Variants in INPP4B observed in about 807,000 individuals in gnomAD.
The protein encoded by INPP4B is inositol polyphosphate 4-phosphatase type II.
INPP4B carries 55 observed loss-of-function variants against 122.5 expected under a neutral mutation model. That is an observed-to-expected ratio of 0.45 (90% CI 0.36 to 0.56). The LOEUF is 0.56. Among genes scored for constraint, INPP4B ranks in the 20% least tolerant of loss-of-function variants. The pLI is 0.00. For missense variants in INPP4B, 1,000 were observed against 1,097.7 expected (o/e 0.91, Z 1.26); for synonymous variants, 403 against 388.7 (o/e 1.04, Z -0.43).
chr4:142,323,594 C>T (rs79066630), intron 7 of INPP4B, among the ~76,000 whole-genome samples: 31,883 of 151,720 alleles, frequency 0.21, 4,400 homozygotes, highest in East Asian at 0.48. Context: ...TACAGGCACC[C>T]GCCACCACGC....
rs555480174 is a variant in INPP4B at position 142,435,417 on chromosome 4, T to TA, written c.-126-4033dup. ...TTAAAATCATTTTTAATGAAATGTT[T>TA]AAAAAATCCCTACATAGTTATCCCT... On this transcript the variant is annotated intron_variant, in intron 3 of 25. Transcript: ENST00000262992. Among the ~76,000 whole-genome samples, 41 of 118,532 alleles carry TA rather than the reference T, an allele frequency of 3.5e-4. No homozygotes were observed. In the East Asian group the frequency reaches 9.8e-3, roughly 28 times the overall value. 77.8% of individuals were successfully genotyped at this position (118,532 alleles called of 152,430 possible). A position where few individuals can be genotyped will look rare whatever the true frequency, so the allele number is the denominator to read the frequency against.
rs542440714 is a variant in INPP4B, at chr4:142,533,574, C to T, written c.-190-70848G>A. On this transcript the variant is annotated intron_variant, in intron 2 of 25. Coordinates refer to ENST00000262992, the MANE Select transcript of INPP4B (RefSeq NM_001101669.3). ...GACATTTTTAAGGAGTAAATCTATT[C>T]TCAATTACTCATCATAATTACTGTA... Among the ~76,000 whole-genome samples, 9 of 152,072 alleles carry T rather than the reference C, an allele frequency of 5.9e-5. No homozygotes were observed. In the East Asian group the frequency reaches 1.7e-3, roughly 29 times the overall value.
intron 21 of INPP4B, among the ~76,000 whole-genome samples, chr4:142,121,024 T>C (rs148859294): frequency 6.6e-6 from 1 of 152,226 alleles, no homozygotes; most frequent in East Asian, 1.9e-4. Flanking sequence ...TGCTGTACTC[T>C]GCCTACACTA....
At chr4:142,702,382 T>C (rs771904323) in intron 2 of INPP4B, among the ~76,000 whole-genome samples, 4 of 152,124 alleles carry the variant, frequency 2.6e-5, no homozygotes, top group Non-Finnish European at 5.9e-5. Context: ...TAATTACTTA[T>C]TGCAAAAACA....
At chr4:142,429,129 C>G in intron 5 of INPP4B, 44 bp downstream of exon 5, 1 of 1,182,410 alleles carries the variant, frequency 8.5e-7, no homozygotes, top group East Asian at 2.5e-5. Flanking sequence ...AACTACTACA[C>G]AAATTCTTAT....
At chr4:142,774,275 C>CCAGTAATCACAGCAT (rs150263849) in intron 1 of INPP4B, among the ~76,000 whole-genome samples, 11,816 of 152,050 alleles carry the variant, frequency 0.078, 559 homozygotes, top group Middle Eastern at 0.12. Context: ...GGCTAACGCA[C>CCAGTAATCACAGCAT]CTGAGATGAA....
intron 15 of INPP4B, among the ~76,000 whole-genome samples, chr4:142,188,484 C>A (rs1579222140): frequency 3.7e-5 from 2 of 54,262 alleles, no homozygotes; most frequent in East Asian, 5.7e-4. Flanking sequence ...GAGACTCCAT[C>A]TCAAAAAAAA....
At position 142,650,914 on chromosome 4, in the gene INPP4B, A is replaced by G. The variant is rs139220311; in HGVS notation, c.-191+74925T>C. Among the ~76,000 whole-genome samples, 64 of 152,320 alleles carry G rather than the reference A, an allele frequency of 4.2e-4. 1 individual carries two copies. In the East Asian group the frequency reaches 9.8e-3, roughly 23 times the overall value. On this transcript the variant is annotated intron_variant, in intron 2 of 25. Transcript: ENST00000262992. ...ACTCTCCAGCCCAAATCAACAGAAT[A>G]TGCATTCTTCTCAGCACCACATCAC...
At chr4:142,124,793 G>A (rs1380983951) in intron 18 of INPP4B, 33 bp from the exon 19 acceptor site, 3 of 1,423,180 alleles carry the variant, frequency 2.1e-6, no homozygotes, top group Non-Finnish European at 2.8e-6. Context: ...CAGTGCAATA[G>A]ATGAAGGAAG....
intron 25 of INPP4B, among the ~76,000 whole-genome samples, chr4:142,064,622 T>G (rs1366651554): frequency 1.3e-5 from 2 of 152,212 alleles, no homozygotes; most frequent in Non-Finnish European, 2.9e-5. Context: ...AAGGCATTTT[T>G]CCCTTTTTTT....
At chr4:142,749,785 A>C (rs1452561524) in intron 1 of INPP4B, among the ~76,000 whole-genome samples, 2 of 152,084 alleles carry the variant, frequency 1.3e-5, no homozygotes, top group East Asian at 3.9e-4. Context: ...GTTAACCTAC[A>C]TTACAAAGTG....
intron 17 of INPP4B, among the ~76,000 whole-genome samples, chr4:142,156,998 T>C (rs979279271): frequency 6.6e-6 from 1 of 152,124 alleles, no homozygotes; most frequent in African/African-American, 2.4e-5. Context: ...TAAGCCAATT[T>C]AAGTGATCAG....
At chr4:142,207,283 A>G (rs374628288) in intron 14 of INPP4B, among the ~76,000 whole-genome samples, 1 of 152,164 alleles carries the variant, frequency 6.6e-6, no homozygotes, top group African/African-American at 2.4e-5. Flanking sequence ...TCCTGATTTC[A>G]ATTATTTTGG....
intron 5 of INPP4B, among the ~76,000 whole-genome samples, chr4:142,424,097 C>T (rs1181029116): frequency 1.3e-5 from 2 of 151,976 alleles, no homozygotes; most frequent in Non-Finnish European, 2.9e-5. Flanking sequence ...TTTCCCCTTT[C>T]CTCTAATTAT....
At chr4:142,418,215 G>A (rs1806167774) in intron 5 of INPP4B, among the ~76,000 whole-genome samples, 2 of 152,066 alleles carry the variant, frequency 1.3e-5, no homozygotes, top group South Asian at 2.1e-4. Flanking sequence ...AAATTTTAAA[G>A]GTTAAATATT....
chr4:142,622,835 G>A (rs925148460), intron 2 of INPP4B, among the ~76,000 whole-genome samples: 2 of 151,868 alleles, frequency 1.3e-5, no homozygotes, highest in African/African-American at 4.8e-5. Context: ...AAATTTTTTG[G>A]AACAGCGTTA....
At chr4:142,212,538 A>T (rs1403361676) in intron 12 of INPP4B, among the ~76,000 whole-genome samples, 1 of 152,158 alleles carries the variant, frequency 6.6e-6, no homozygotes, top group Non-Finnish European at 1.5e-5. Flanking sequence ...TTCCTTGCTC[A>T]GATTTTGTGG....
intron 23 of INPP4B, among the ~76,000 whole-genome samples, chr4:142,105,745 A>G (rs1339747336): frequency 6.6e-6 from 1 of 152,188 alleles, no homozygotes; most frequent in East Asian, 1.9e-4. Context: ...TAATGAATTA[A>G]AAAGTGACAG....
chr4:142,349,698 T>A (rs1489430760), intron 7 of INPP4B, among the ~76,000 whole-genome samples: 1 of 152,032 alleles, frequency 6.6e-6, no homozygotes, highest in Non-Finnish European at 1.5e-5. Context: ...AAAGGAAGAA[T>A]GTTAATCACT....
Sources: allele counts gnomAD v4.1 joint callset (sites outside exome capture counted in the v4.1 genomes callset), GRCh38; gene constraint gnomAD v4.1.1; transcripts MANE v1.5; gene names NCBI Gene and HGNC (gene_info 2026-07-23, HGNC 2026-07-21).